Variants in HS6ST2 observed in about 807,000 individuals in gnomAD.
The protein encoded by HS6ST2 is heparan sulfate 6-O-sulfotransferase 2.
A neutral mutation model predicts 33.0 loss-of-function variants in HS6ST2; 17 were observed. The ratio of observed to expected loss-of-function variants is 0.52; its 90% CI spans 0.35 to 0.77. HS6ST2 has a LOEUF of 0.77. Ranked by LOEUF, HS6ST2 falls within the 30% of genes least tolerant of loss-of-function variation. The pLI, the probability that HS6ST2 is intolerant of heterozygous loss-of-function variation, is 0.01. For synonymous variants in HS6ST2, 248 were observed against 237.1 expected (o/e 1.05, Z -0.42); for missense variants, 519 against 551.7 (o/e 0.94, Z 0.59).
intron 2 of HS6ST2, among the ~76,000 whole-genome samples, chrX:132,828,737 CAT>C (rs1226305710): frequency 4.6e-4 from 40 of 87,868 alleles, no homozygotes; most frequent in Admixed American, 6.2e-4. Flanking sequence ...CACACACACA[CAT>C]ACACACACAA....
intron 2 of HS6ST2, among the ~76,000 whole-genome samples, chrX:132,873,212 T>A (rs1214741739): frequency 1.8e-5 from 2 of 111,870 alleles, no homozygotes; most frequent in Non-Finnish European, 3.8e-5. Flanking sequence ...ATGCACAGGA[T>A]CAGGCTCGAT....
At chrX:132,677,452 G>T (rs2148214747) in intron 3 of HS6ST2, among the ~76,000 whole-genome samples, 1 of 112,156 alleles carries the variant, frequency 8.9e-6, no homozygotes, top group South Asian at 3.7e-4. Context: ...AGGGCAAATT[G>T]TATTCACATC....
chrX:132,908,040 A>G (rs955247465), intron 2 of HS6ST2, among the ~76,000 whole-genome samples: 25 of 112,531 alleles, frequency 2.2e-4, no homozygotes, highest in African/African-American at 7.7e-4. Context: ...TACCTAGACT[A>G]TATAAAGAAC....
At chrX:132,799,116 G>T (rs2148351414) in intron 2 of HS6ST2, among the ~76,000 whole-genome samples, 1 of 111,348 alleles carries the variant, frequency 9.0e-6, no homozygotes, top group East Asian at 2.9e-4. Flanking sequence ...CTATTAACAA[G>T]AGGTGAGTTT....
intron 2 of HS6ST2, among the ~76,000 whole-genome samples, chrX:132,872,742 T>C (rs955192415): frequency 7.1e-5 from 8 of 112,081 alleles, no homozygotes; most frequent in African/African-American, 2.6e-4. Context: ...AAGATTGCTG[T>C]GTTTTGAAAG....
At chrX:132,806,929 G>A (rs972426555) in intron 2 of HS6ST2, among the ~76,000 whole-genome samples, 5 of 109,425 alleles carry the variant, frequency 4.6e-5, no homozygotes, top group Non-Finnish European at 7.7e-5. Context: ...CTAATGAAAT[G>A]GGGTCTTTGG....
intron 2 of HS6ST2, among the ~76,000 whole-genome samples, chrX:132,922,022 A>T (rs749826990): frequency 2.7e-5 from 3 of 112,530 alleles, no homozygotes; most frequent in Non-Finnish European, 5.6e-5. Flanking sequence ...TTGCCTTACA[A>T]GTCAAATCTC....
chrX:132,799,363 T>C (rs1375260385), intron 2 of HS6ST2, among the ~76,000 whole-genome samples: 1 of 94,740 alleles, frequency 1.1e-5, no homozygotes, highest in East Asian at 2.9e-4. Flanking sequence ...CATCATGTTC[T>C]CTTTTACTTT....
intron 4 of HS6ST2, among the ~76,000 whole-genome samples, chrX:132,653,251 T>C (rs963232525): frequency 8.9e-6 from 1 of 111,990 alleles, no homozygotes; most frequent in Non-Finnish European, 1.9e-5. Flanking sequence ...GATTTGCTTA[T>C]AGCCCTATTC....
intron 2 of HS6ST2, among the ~76,000 whole-genome samples, chrX:132,714,807 C>A: frequency 9.0e-6 from 1 of 111,366 alleles, no homozygotes; most frequent in Non-Finnish European, 1.9e-5. Context: ...GTGCCCAGAG[C>A]CCCTGCCCCA....
intron 4 of HS6ST2, among the ~76,000 whole-genome samples, chrX:132,666,986 G>T (rs745446151): frequency 1.8e-5 from 2 of 110,986 alleles, no homozygotes; most frequent in African/African-American, 3.3e-5. Flanking sequence ...AGACAGTGCA[G>T]CAGGAACTGG....
intron 2 of HS6ST2, among the ~76,000 whole-genome samples, chrX:132,746,847 G>A (rs772789348): frequency 2.9e-4 from 32 of 112,024 alleles, no homozygotes; most frequent in African/African-American, 7.1e-4. Context: ...CAGGACTTGA[G>A]CTAGCAGAGT....
intron 2 of HS6ST2, among the ~76,000 whole-genome samples, chrX:132,895,509 C>A (rs2066365119): frequency 9.0e-6 from 1 of 110,808 alleles, no homozygotes; most frequent in Non-Finnish European, 1.9e-5. Context: ...TATAATTTAG[C>A]CTTTTCATTT....
chrX:132,800,422 A>G, intron 2 of HS6ST2, among the ~76,000 whole-genome samples: 1 of 111,644 alleles, frequency 9.0e-6, no homozygotes, highest in Non-Finnish European at 1.9e-5. Flanking sequence ...TTCATTATAT[A>G]TTACAACATA....
chrX:132,872,928 C>T (rs1335298124), intron 2 of HS6ST2, among the ~76,000 whole-genome samples: 2 of 111,345 alleles, frequency 1.8e-5, no homozygotes, highest in African/African-American at 6.5e-5. Context: ...TTCCAAGAGT[C>T]CTTCAGGAGT....
At chrX:132,812,441 T>TAAA (rs1569493654) in intron 2 of HS6ST2, among the ~76,000 whole-genome samples, 5 of 103,271 alleles carry the variant, frequency 4.8e-5, no homozygotes, top group African/African-American at 1.8e-4. Flanking sequence ...ATAATAATAA[T>TAAA]AATAAAATAA....
intron 2 of HS6ST2, among the ~76,000 whole-genome samples, chrX:132,883,480 T>C (rs2066207914): frequency 9.0e-6 from 1 of 111,275 alleles, no homozygotes; most frequent in South Asian, 3.8e-4. Flanking sequence ...GATATCTCCT[T>C]TACCATTTTT....
At chrX:132,927,890 A>G (rs1290807526) in intron 2 of HS6ST2, among the ~76,000 whole-genome samples, 1 of 110,281 alleles carries the variant, frequency 9.1e-6, no homozygotes, top group Admixed American at 9.7e-5. Context: ...GAAAAGAAAA[A>G]AGAAAAAGAG....
intron 2 of HS6ST2, among the ~76,000 whole-genome samples, chrX:132,954,945 A>T (rs2067052677): frequency 8.9e-6 from 1 of 111,839 alleles, no homozygotes; most frequent in South Asian, 3.8e-4. Flanking sequence ...CCACATTAAT[A>T]ATGTGTGTTT....
Sources: allele counts gnomAD v4.1 joint callset (sites outside exome capture counted in the v4.1 genomes callset), GRCh38; gene constraint gnomAD v4.1.1; transcripts MANE v1.5; gene names NCBI Gene and HGNC (gene_info 2026-07-23, HGNC 2026-07-21).